The following CSMD1 variants were observed in gnomAD, a reference collection of about 807,000 sequenced individuals.
CSMD1 encodes CUB and sushi domain-containing protein 1.
A neutral mutation model predicts 417.5 loss-of-function variants in CSMD1; 213 were observed. The observed-to-expected ratio is 0.51, with a 90% confidence interval of 0.46 to 0.57. The LOEUF is 0.57. Among genes scored for constraint, CSMD1 ranks in the 20% least tolerant of loss-of-function variants. The pLI is 0.00. For missense variants in CSMD1, 6,923 were observed against 4,529.7 expected, an observed-to-expected ratio of 1.53 and a Z score of -15.17; for synonymous variants, 2,862 against 1,736.8, an observed-to-expected ratio of 1.65 and a Z score of -16.11.
At chr8:4,571,548 T>G (rs1216111887) in intron 2 of CSMD1, among the ~76,000 whole-genome samples, 1 of 152,062 alleles carries the variant, frequency 6.6e-6, no homozygotes, top group Admixed American at 6.6e-5. Flanking sequence ...TGCTGAGGAG[T>G]GTTTTATTTC....
Position 4,964,500 on chromosome 8 carries a change from TC to T in CSMD1, c.85+29831del, listed in dbSNP as rs747532477. On this transcript the variant is annotated intron_variant, in intron 1 of 69. Transcript: ENST00000635120. ...CATCACAACACAGCAAGACCCTGTC[TC>T]CAAAAAAAAAAAAAAAAAAAAAAAG... 3.2e-3 allele frequency among the ~76,000 whole-genome samples: 32 copies of T among 9,898 alleles called. 3 individuals carry two copies. Among genetic ancestry groups the T allele is most frequent in the African/African-American group, 7.9e-3 (9 of 1,144 alleles). 6.5% of individuals were successfully genotyped at this position (9,898 alleles called of 152,430 possible).
intron 1 of CSMD1, among the ~76,000 whole-genome samples, chr8:4,763,819 G>T (rs1180700987): frequency 6.6e-6 from 1 of 152,138 alleles, no homozygotes; most frequent in African/African-American, 2.4e-5. Flanking sequence ...ATTATTAAAG[G>T]ATCATGGTTT....
chr8:4,381,432 A>G (rs1803097917), intron 3 of CSMD1, among the ~76,000 whole-genome samples: 1 of 152,142 alleles, frequency 6.6e-6, no homozygotes, highest in Non-Finnish European at 1.5e-5. Flanking sequence ...AAACCCATTG[A>G]AAAGGGGGTG....
At chr8:3,694,063 T>C (rs946073612) in intron 7 of CSMD1, among the ~76,000 whole-genome samples, 1 of 151,628 alleles carries the variant, frequency 6.6e-6, no homozygotes, top group Non-Finnish European at 1.5e-5. Flanking sequence ...TTAGTGTGTG[T>C]GTGTTGTGTG....
At chr8:4,204,351 A>C (rs1219815811) in intron 3 of CSMD1, among the ~76,000 whole-genome samples, 1 of 152,156 alleles carries the variant, frequency 6.6e-6, no homozygotes, top group African/African-American at 2.4e-5. Context: ...TTCCACTTCT[A>C]GGTGAGCAAA....
intron 1 of CSMD1, among the ~76,000 whole-genome samples, chr8:4,817,048 T>C (rs1386350116): frequency 2.0e-5 from 3 of 152,214 alleles, no homozygotes; most frequent in Non-Finnish European, 2.9e-5. Context: ...TTAAGATTTA[T>C]AGACATATAT....
intron 2 of CSMD1, among the ~76,000 whole-genome samples, chr8:4,559,035 C>A (rs1022014072): frequency 6.6e-6 from 1 of 152,070 alleles, no homozygotes; most frequent in South Asian, 2.1e-4. Flanking sequence ...TTTGCAAAGT[C>A]CCCCTTTGGA....
At chr8:4,767,756 C>A (rs28713437) in intron 1 of CSMD1, among the ~76,000 whole-genome samples, 2,023 of 152,196 alleles carry the variant, frequency 0.013, 29 homozygotes, top group African/African-American at 0.046. Context: ...ATTTATTTAT[C>A]CTTTGTGCAA....
intron 2 of CSMD1, among the ~76,000 whole-genome samples, chr8:4,446,201 T>C (rs2129754503): frequency 6.6e-6 from 1 of 152,280 alleles, no homozygotes; most frequent in African/African-American, 2.4e-5. Flanking sequence ...AGACATTTTG[T>C]TTTTTCCACA....
chr8:4,937,805 C>A (rs574451563), intron 1 of CSMD1, among the ~76,000 whole-genome samples: 161 of 152,130 alleles, frequency 1.1e-3, no homozygotes, highest in Middle Eastern at 0.01. Flanking sequence ...CACACACACA[C>A]AACTACAAAG....
intron 2 of CSMD1, among the ~76,000 whole-genome samples, chr8:4,456,656 T>G (rs1435186225): frequency 6.6e-6 from 1 of 152,082 alleles, no homozygotes; most frequent in Non-Finnish European, 1.5e-5. Flanking sequence ...AGAGAGACCC[T>G]CCAACCAATC....
At chr8:3,004,688 C>G (rs1017887547) in intron 52 of CSMD1, among the ~76,000 whole-genome samples, 1 of 152,172 alleles carries the variant, frequency 6.6e-6, no homozygotes, top group African/African-American at 2.4e-5. Flanking sequence ...CATTTTAATT[C>G]TTCATTTTCT....
At chr8:3,559,272 C>A (rs1017322268) in intron 10 of CSMD1, among the ~76,000 whole-genome samples, 3 of 152,200 alleles carry the variant, frequency 2.0e-5, no homozygotes, top group East Asian at 1.9e-4. Flanking sequence ...ATGGAAATAA[C>A]TGCCCTTGGT....
intron 1 of CSMD1, among the ~76,000 whole-genome samples, chr8:4,738,745 G>A (rs79745681): frequency 2.0e-5 from 3 of 151,996 alleles, no homozygotes; most frequent in Non-Finnish European, 4.4e-5. Context: ...ATGATTAATG[G>A]TATGCATTTC....
At chr8:4,445,616 A>C (rs1331009916) in intron 2 of CSMD1, among the ~76,000 whole-genome samples, 1 of 152,172 alleles carries the variant, frequency 6.6e-6, no homozygotes, top group Non-Finnish European at 1.5e-5. Flanking sequence ...TTCAGAGTCG[A>C]ACTGGGCCAG....
At chr8:3,373,576 T>A (rs1370642956) in intron 18 of CSMD1, 1 of 152,208 alleles carries the variant, frequency 6.6e-6, no homozygotes. Flanking sequence ...TGAAATGAAA[T>A]ACCTGAATTA....
chr8:3,629,006 T>C lies in CSMD1; in HGVS notation c.1010-12209A>G, dbSNP rs2449217. 2.0e-5 allele frequency among the ~76,000 whole-genome samples: 3 copies of C among 151,892 alleles called. No individual in the cohort carries two copies. The East Asian group carries it at 5.8e-4, about 29-fold the overall frequency. ...GATAGAGAAAAGGGAAAGAAAAAGA[T>C]AAAATAGAATTCTAACCTTTGCTTC... On this transcript the variant is annotated intron_variant, in intron 7 of 69. Transcript: ENST00000635120.
intron 1 of CSMD1, among the ~76,000 whole-genome samples, chr8:4,975,885 A>G (rs1810531198): frequency 6.6e-6 from 1 of 152,190 alleles, no homozygotes; most frequent in Admixed American, 6.5e-5. Flanking sequence ...AACCAATTAG[A>G]GGATTAAATA....
At chr8:2,978,550 T>G in intron 55 of CSMD1, 62 bp downstream of exon 55, 1 of 1,318,696 alleles carries the variant, frequency 7.6e-7, no homozygotes, top group Non-Finnish European at 1.0e-6. Flanking sequence ...CTTACGGAAT[T>G]TTCTGCTGAT....
Sources: gnomAD v4.1 joint callset for allele counts (sites outside exome capture counted in the v4.1 genomes callset) on GRCh38, gnomAD v4.1.1 for gene constraint, MANE v1.5 for transcripts, NCBI Gene and HGNC (gene_info 2026-07-23, HGNC 2026-07-21) for gene names.